The following EDIL3 variants were observed in gnomAD, a reference collection of about 807,000 sequenced individuals.
EDIL3 encodes EGF like and discoidin domains 3.
In EDIL3, 37 loss-of-function variants were observed where a neutral mutation model predicts 67.4. The ratio of observed to expected loss-of-function variants is 0.55; its 90% confidence interval spans 0.42 to 0.72. EDIL3 has a LOEUF of 0.72. Ranked by LOEUF, EDIL3 falls within the 30% of genes least tolerant of loss-of-function variation. The pLI, the probability that EDIL3 is intolerant of heterozygous loss-of-function variation, is 0.00. For synonymous variants in EDIL3, 195 were observed against 196.3 expected (o/e 0.99, Z 0.05); for missense variants, 527 against 586.3 (o/e 0.90, Z 1.04).
At chr5:84,272,830 T>C (rs1164545559) in intron 1 of EDIL3, among the ~76,000 whole-genome samples, 1 of 152,120 alleles carries the variant, frequency 6.6e-6, no homozygotes, top group Non-Finnish European at 1.5e-5. Context: ...TTTGCAAATA[T>C]AAGATGGAAG....
At chr5:84,145,522 T>C (rs1212331540) in intron 4 of EDIL3, among the ~76,000 whole-genome samples, 2 of 152,122 alleles carry the variant, frequency 1.3e-5, no homozygotes, top group South Asian at 2.1e-4. Context: ...TGGGATTGAA[T>C]AGATCTGCAT....
At chr5:84,041,112 C>T (rs1746112451) in intron 9 of EDIL3, among the ~76,000 whole-genome samples, 1 of 149,000 alleles carries the variant, frequency 6.7e-6, no homozygotes, top group Admixed American at 6.7e-5. Flanking sequence ...GCCTGGGAGA[C>T]AGAGCAAAAC....
chr5:84,033,598 T>G (rs1745966366), intron 9 of EDIL3, among the ~76,000 whole-genome samples: 1 of 149,330 alleles, frequency 6.7e-6, no homozygotes, highest in South Asian at 2.1e-4. Flanking sequence ...CAGCTACTTG[T>G]GAGGTTGAGG....
chr5:84,326,224 T>C (rs1746754167), intron 1 of EDIL3, among the ~76,000 whole-genome samples: 1 of 152,068 alleles, frequency 6.6e-6, no homozygotes. Flanking sequence ...TTGGGCTTCC[T>C]AGCTTCCAAA....
intron 1 of EDIL3, among the ~76,000 whole-genome samples, chr5:84,354,975 C>G (rs1441439701): frequency 6.6e-6 from 1 of 152,138 alleles, no homozygotes; most frequent in Non-Finnish European, 1.5e-5. Flanking sequence ...GGTTGCTCTT[C>G]TCGAGGAGTA....
chr5:84,308,439 AC>A (rs1746315718), intron 1 of EDIL3, among the ~76,000 whole-genome samples: 2 of 152,296 alleles, frequency 1.3e-5, no homozygotes, highest in African/African-American at 4.8e-5. Flanking sequence ...GTGTCTAGTT[AC>A]CCAAAGAAAG....
chr5:84,123,525 A>C (rs1483707028), intron 5 of EDIL3, among the ~76,000 whole-genome samples: 1 of 151,964 alleles, frequency 6.6e-6, no homozygotes, highest in Non-Finnish European at 1.5e-5. Context: ...ACAGATTAGA[A>C]AGTAAATTGA....
chr5:84,153,036 C>G (rs1224831500), intron 4 of EDIL3, among the ~76,000 whole-genome samples: 2 of 152,122 alleles, frequency 1.3e-5, no homozygotes, highest in Non-Finnish European at 2.9e-5. Context: ...TATTATCTAT[C>G]AGCCATATAT....
rs953648276 is a variant in EDIL3 at position 84,006,566 on chromosome 5, T to A, written c.1138-43206A>T. Among the ~76,000 whole-genome samples, 6 of 152,272 alleles carry A rather than the reference T, an allele frequency of 3.9e-5. No individual in the cohort carries two copies. The South Asian group carries it at 1.2e-3, about 32-fold the overall frequency. On this transcript the variant is annotated intron_variant, in intron 9 of 10. Transcript: ENST00000296591. Reference sequence around the variant, plus strand: ...AAAGGCAACAATAGATACCAGGGCCTACTTGAGAGCAGAGGTTGGAAGGAA... The same window carrying A: ...AAAGGCAACAATAGATACCAGGGCCAACTTGAGAGCAGAGGTTGGAAGGAA...
intron 2 of EDIL3, among the ~76,000 whole-genome samples, chr5:84,239,180 G>A (rs1472481856): frequency 1.3e-5 from 2 of 152,056 alleles, no homozygotes; most frequent in Non-Finnish European, 2.9e-5. Context: ...TCTTAACTGA[G>A]ATAAATATCC....
intron 6 of EDIL3, among the ~76,000 whole-genome samples, chr5:84,072,937 C>A (rs1215349918): frequency 6.6e-6 from 1 of 151,764 alleles, no homozygotes; most frequent in Non-Finnish European, 1.5e-5. Flanking sequence ...TTGCATACTC[C>A]CCAAAATTTT....
intron 5 of EDIL3, among the ~76,000 whole-genome samples, chr5:84,109,387 T>A (rs1039458521): frequency 1.4e-4 from 21 of 152,032 alleles, no homozygotes; most frequent in Admixed American, 5.2e-4. Flanking sequence ...GTGCCTGTAG[T>A]CCCAGCTACT....
In EDIL3 at chr5:84,180,241, T is replaced by C. The variant is rs567823146; in HGVS notation, c.355+152A>G. On this transcript the variant is annotated intron_variant, in intron 4 of 10. Coordinates refer to ENST00000296591, the MANE Select transcript of EDIL3 (RefSeq NM_005711.5). Reference sequence around the variant, plus strand: ...GTCTAGGAGTCCTCCACTGTGGACATGGTGTATTCCATGGGAGAGAAGCAG... The same window carrying C: ...GTCTAGGAGTCCTCCACTGTGGACACGGTGTATTCCATGGGAGAGAAGCAG... The C allele has an allele frequency of 7.0e-5, 54 of 771,818 alleles. No individual in the cohort carries two copies. The East Asian group carries it at 1.4e-3, about 20-fold the overall frequency. 47.8% of individuals were successfully genotyped at this position (771,818 alleles called of 1,614,324 possible). A position where few individuals can be genotyped will look rare whatever the true frequency, so the allele number is the denominator to read the frequency against.
intron 9 of EDIL3, among the ~76,000 whole-genome samples, chr5:84,055,645 A>C (rs557335424): frequency 1.1e-3 from 175 of 152,296 alleles, no homozygotes; most frequent in African/African-American, 3.9e-3. Context: ...AAAAGTGGGC[A>C]AAGGATATGA....
chr5:84,376,809 T>C (rs1394009945), intron 1 of EDIL3, among the ~76,000 whole-genome samples: 1 of 152,192 alleles, frequency 6.6e-6, no homozygotes, highest in Admixed American at 6.5e-5. Context: ...GGTACTATTC[T>C]AAGCCCTAGC....
intron 1 of EDIL3, among the ~76,000 whole-genome samples, chr5:84,356,713 AT>A (rs1454085002): frequency 6.6e-6 from 1 of 151,976 alleles, no homozygotes; most frequent in African/African-American, 2.4e-5. Flanking sequence ...TTGCAGGACC[AT>A]TTTTCTGCCT....
intron 5 of EDIL3, among the ~76,000 whole-genome samples, chr5:84,123,663 T>G (rs543175679): frequency 4.1e-4 from 62 of 152,062 alleles, no homozygotes; most frequent in African/African-American, 1.4e-3. Flanking sequence ...ACATGATTTT[T>G]ATAGGTTTTT....
intron 9 of EDIL3, among the ~76,000 whole-genome samples, chr5:84,046,679 C>T (rs1746229740): frequency 1.3e-5 from 2 of 152,236 alleles, no homozygotes; most frequent in African/African-American, 2.4e-5. Context: ...TACTCATTGG[C>T]ATATTTTCAG....
At chr5:84,070,218 A>G (rs1204195720) in intron 6 of EDIL3, among the ~76,000 whole-genome samples, 1 of 152,204 alleles carries the variant, frequency 6.6e-6, no homozygotes, top group Non-Finnish European at 1.5e-5. Flanking sequence ...CGGTACACCA[A>G]GGCAAGAACC....
Sources: gnomAD v4.1 joint callset for allele counts (sites outside exome capture counted in the v4.1 genomes callset) on GRCh38, gnomAD v4.1.1 for gene constraint, MANE v1.5 for transcripts, NCBI Gene and HGNC (gene_info 2026-07-23, HGNC 2026-07-21) for gene names.